Variants in NINL observed in about 807,000 individuals in gnomAD.
NINL encodes ninein-like protein.
A neutral mutation model predicts 160.3 loss-of-function variants in NINL; 153 were observed. That is an observed-to-expected ratio of 0.95 (90% CI 0.84 to 1.09). The LOEUF is 1.09. Ranked by LOEUF, NINL falls within the 50% of genes least tolerant of loss-of-function variation. The pLI is 0.00. For missense variants in NINL, 1,829 were observed against 1,764.0 expected (o/e 1.04, Z -0.66); for synonymous variants, 800 against 734.8 (o/e 1.09, Z -1.43).
intron 1 of NINL, among the ~76,000 whole-genome samples, chr20:25,550,332 C>T (rs933293157): frequency 5.3e-5 from 8 of 152,224 alleles, no homozygotes; most frequent in African/African-American, 1.7e-4. Flanking sequence ...CGTGACTGTG[C>T]CCCTGCATGA....
At chr20:25,489,806 C>T in intron 12 of NINL, 69 bp downstream of exon 12, 1 of 1,336,594 alleles carries the variant, frequency 7.5e-7, no homozygotes, top group Non-Finnish European at 1.1e-6. Flanking sequence ...TCCCTGGCCA[C>T]CCCCGCCACC....
Position 25,479,127 on chromosome 20 carries a change from C to T in NINL, c.1997G>A (p.Arg666Lys). ...ACCCTCCAGCACGCTGACCTCGCGCCTGCGAGCCTGCTCCATGTCCTTCCT... is the reference window on the plus strand; with the variant it reads ...ACCCTCCAGCACGCTGACCTCGCGCTTGCGAGCCTGCTCCATGTCCTTCCT... ...KERKDMEQARRREVSVLEGQK... is the reference protein window; with the variant it reads ...KERKDMEQARKREVSVLEGQK... Residue 666 changes from arginine to lysine, a missense_variant, in exon 16 of 24, where the codon AGG (arginine) becomes AAG (lysine). Transcript: ENST00000278886. 1 of 1,613,942 alleles carries T rather than the reference C, an allele frequency of 6.2e-7. No individual in the cohort carries two copies. Among genetic ancestry groups the T allele is most frequent in the Non-Finnish European group, 8.5e-7 (1 of 1,180,026 alleles).
At chr20:25,539,587 A>C (rs2064627209) in intron 1 of NINL, among the ~76,000 whole-genome samples, 1 of 152,210 alleles carries the variant, frequency 6.6e-6, no homozygotes, top group Non-Finnish European at 1.5e-5. Flanking sequence ...CCATGTATGT[A>C]CAGGTGCCCA....
intron 1 of NINL, among the ~76,000 whole-genome samples, chr20:25,534,202 T>A (rs1001281435): frequency 6.6e-6 from 1 of 152,140 alleles, no homozygotes. Flanking sequence ...TAAACACTAT[T>A]CTATAAAATC....
chr20:25,511,893 C>T (rs1817294591), intron 4 of NINL, among the ~76,000 whole-genome samples: 1 of 152,202 alleles, frequency 6.6e-6, no homozygotes, highest in African/African-American at 2.4e-5. Context: ...CCCGACCTGT[C>T]TAAGAAGGAT....
Position 25,489,638 on chromosome 20 carries a change from C to T in NINL, c.1596+237G>A, listed in dbSNP as rs572132294. 6.6e-5 allele frequency among the ~76,000 whole-genome samples: 10 copies of T among 152,310 alleles called. No individual in the cohort carries two copies. The South Asian group carries it at 1.5e-3, about 22-fold the overall frequency. ...GAAGGCCCTGCCCTCCCTCCACGCC[C>T]CCCACCACTGAGGGCTGTCACTAGT... On this transcript the variant is annotated intron_variant, in intron 12 of 23. Transcript: ENST00000278886.
At chr20:25,538,108 C>T (rs2064592635) in intron 1 of NINL, among the ~76,000 whole-genome samples, 2 of 152,162 alleles carry the variant, frequency 1.3e-5, no homozygotes, top group African/African-American at 2.4e-5. Context: ...CCCATCCCAA[C>T]CCCGCAACGC....
chr20:25,477,174 G>A (rs2063279502), intron 16 of NINL, 85 bp from the exon 17 acceptor site: 4 of 1,251,222 alleles, frequency 3.2e-6, no homozygotes, highest in Non-Finnish European at 3.2e-6. Context: ...CTGTTGCAAC[G>A]GCTGCGACCT....
At chr20:25,574,355 CTTT>C (rs374056975) in intron 1 of NINL, among the ~76,000 whole-genome samples, 1 of 146,594 alleles carries the variant, frequency 6.8e-6, no homozygotes, top group Admixed American at 6.8e-5. Flanking sequence ...CCACCACCGT[CTTT>C]TTTTTTTTTC....
chr20:25,570,297 G>A (rs1234175835), intron 1 of NINL, among the ~76,000 whole-genome samples: 1 of 152,202 alleles, frequency 6.6e-6, no homozygotes, highest in Non-Finnish European at 1.5e-5. Flanking sequence ...CCGGAGGTGG[G>A]GCCTGGTGGG....
chr20:25,469,938 T>G, intron 18 of NINL, 53 bp downstream of exon 18: 1 of 1,276,102 alleles, frequency 7.8e-7, no homozygotes, highest in Non-Finnish European at 1.1e-6. Context: ...AAGGTCACTC[T>G]ACGGAGGGCA....
chr20:25,573,156 G>A (rs2065073639), intron 1 of NINL, among the ~76,000 whole-genome samples: 1 of 152,046 alleles, frequency 6.6e-6, no homozygotes, highest in African/African-American at 2.4e-5. Context: ...AATTAGCTGG[G>A]CATGGTGGCA....
chr20:25,470,023 A>G lies in NINL; in HGVS notation c.3321T>C (p.Leu1107=). The G allele has an allele frequency of 6.2e-7, 1 of 1,614,178 alleles. No individual in the cohort carries two copies. The highest frequency in any genetic ancestry group is 8.5e-7 in the Non-Finnish European group (1 of 1,180,014). The change falls in exon 18 of 24, where the codon CTT becomes CTC. Residue 1107 remains leucine (L), a synonymous_variant. Transcript: ENST00000278886. ...KNDLGRVRQE[L]EAAESTHDAQ... ...CATCGTGAGTACTTTCTGCAGCTTC[A>G]AGCTCTTGCCGAACCCTTCCCAGAT...
chr20:25,517,629 TG>T, intron 3 of NINL, 123 bp downstream of exon 3: 1 of 703,608 alleles, frequency 1.4e-6, no homozygotes, highest in Admixed American at 3.1e-5. Context: ...CCATATACCT[TG>T]GGGGTGACAG....
intron 1 of NINL, among the ~76,000 whole-genome samples, chr20:25,545,104 G>A (rs1441161567): frequency 1.3e-5 from 2 of 152,186 alleles, no homozygotes; most frequent in East Asian, 1.9e-4. Context: ...GAGGTTTTCT[G>A]GAGGTTTAGT....
intron 1 of NINL, among the ~76,000 whole-genome samples, chr20:25,551,866 C>T (rs772681724): frequency 6.6e-6 from 1 of 152,182 alleles, no homozygotes; most frequent in Non-Finnish European, 1.5e-5. Flanking sequence ...AGGAGTTAAA[C>T]TTGGCTTGCA....
intron 5 of NINL, among the ~76,000 whole-genome samples, chr20:25,505,321 G>A (rs1440977593): frequency 6.7e-6 from 1 of 149,418 alleles, no homozygotes. Context: ...GCTGGGTGGT[G>A]GGGGAGATGC....
chr20:25,483,082 C>A (rs1444163218), intron 13 of NINL, among the ~76,000 whole-genome samples: 2 of 150,880 alleles, frequency 1.3e-5, no homozygotes, highest in African/African-American at 5.0e-5. Flanking sequence ...TGCCTGTAAT[C>A]CCAGCACTTT....
chr20:25,522,201 C>G (rs1807929551), intron 2 of NINL, among the ~76,000 whole-genome samples: 1 of 152,214 alleles, frequency 6.6e-6, no homozygotes, highest in African/African-American at 2.4e-5. Flanking sequence ...AGCCACCATG[C>G]CAAGCCTATC....
Sources: gnomAD v4.1 joint callset for allele counts (sites outside exome capture counted in the v4.1 genomes callset) on GRCh38, gnomAD v4.1.1 for gene constraint, MANE v1.5 for transcripts, NCBI Gene and HGNC (gene_info 2026-07-23, HGNC 2026-07-21) for gene names.